Variants in AGBL4 observed in about 807,000 individuals in gnomAD.
The protein encoded by AGBL4 is cytosolic carboxypeptidase 6.
A neutral mutation model predicts 66.4 loss-of-function variants in AGBL4; 58 were observed. That is an observed-to-expected ratio of 0.87 (90% CI 0.71 to 1.09). The LOEUF (loss-of-function observed/expected upper bound fraction) is 1.09. Among genes scored for constraint, AGBL4 ranks in the 50% least tolerant of loss-of-function variants. AGBL4 has a pLI of 0.00. For missense variants in AGBL4, 579 were observed against 631.0 expected (o/e 0.92, Z 0.88); for synonymous variants, 234 against 222.9 (o/e 1.05, Z -0.44).
chr1:49,682,172 C>T (rs1646707321), intron 3 of AGBL4, among the ~76,000 whole-genome samples: 1 of 152,030 alleles, frequency 6.6e-6, no homozygotes, highest in Non-Finnish European at 1.5e-5. Flanking sequence ...CTTTGGGAGG[C>T]CGAGGAGGGA....
At chr1:50,023,665 C>T (rs192063831) in intron 1 of AGBL4, 98 bp downstream of exon 1, 283 of 1,394,794 alleles carry the variant, frequency 2.0e-4, no homozygotes, top group Non-Finnish European at 2.6e-4. Flanking sequence ...TACAGGACCG[C>T]CTCCTCAGGA....
At chr1:48,924,391 TC>T (rs1189505641) in intron 5 of AGBL4, among the ~76,000 whole-genome samples, 1 of 152,048 alleles carries the variant, frequency 6.6e-6, no homozygotes, top group African/African-American at 2.4e-5. Flanking sequence ...GCCTGGAACT[TC>T]CCCCAGCTCC....
At chr1:48,847,322 T>G (rs1214311410) in intron 6 of AGBL4, among the ~76,000 whole-genome samples, 1 of 149,102 alleles carries the variant, frequency 6.7e-6, no homozygotes, top group African/African-American at 2.5e-5. Flanking sequence ...AAAAACTTAC[T>G]CTACCAGAAA....
At chr1:48,843,005 C>G (rs952346985) in intron 6 of AGBL4, among the ~76,000 whole-genome samples, 9 of 151,762 alleles carry the variant, frequency 5.9e-5, no homozygotes, top group African/African-American at 2.2e-4. Context: ...ATGGTGGTTA[C>G]CAGGAGCTGG....
At chr1:49,283,255 G>A (rs968896145) in intron 3 of AGBL4, among the ~76,000 whole-genome samples, 2 of 152,108 alleles carry the variant, frequency 1.3e-5, no homozygotes, top group African/African-American at 4.8e-5. Context: ...CCCCAAGCAG[G>A]GGCACACTGA....
Position 49,484,053 on chromosome 1 carries a change from C to T in AGBL4, c.282+213260G>A, listed in dbSNP as rs187379827. On this transcript the variant is annotated intron_variant, in intron 3 of 13. Coordinates refer to ENST00000371839, the MANE Select transcript of AGBL4 (RefSeq NM_032785.4). Reference sequence around the variant, plus strand: ...GCAAATCAAAACTGCAATGAGATATCATATTATTACATTTAAAATGGCTTT... The same window carrying T: ...GCAAATCAAAACTGCAATGAGATATTATATTATTACATTTAAAATGGCTTT... Among the ~76,000 whole-genome samples, 24 of 152,088 alleles carry T rather than the reference C, an allele frequency of 1.6e-4. 1 individual carries two copies. Among genetic ancestry groups the T allele is most frequent in the Admixed American group, 7.2e-4 (11 of 15,268 alleles).
At chr1:49,681,569 C>T (rs1646693786) in intron 3 of AGBL4, among the ~76,000 whole-genome samples, 1 of 152,112 alleles carries the variant, frequency 6.6e-6, no homozygotes, top group Non-Finnish European at 1.5e-5. Flanking sequence ...GATGGTCTGC[C>T]TTCTTTACTC....
At chr1:49,518,310 A>G (rs909564373) in intron 3 of AGBL4, among the ~76,000 whole-genome samples, 1 of 152,050 alleles carries the variant, frequency 6.6e-6, no homozygotes, top group African/African-American at 2.4e-5. Flanking sequence ...CAATCTTCCC[A>G]TGGGCGGTTT....
intron 4 of AGBL4, among the ~76,000 whole-genome samples, chr1:49,048,566 G>T (rs977774893): frequency 5.9e-5 from 9 of 152,098 alleles, no homozygotes; most frequent in African/African-American, 2.2e-4. Flanking sequence ...GGGCTCAGCA[G>T]GCAAAATTCA....
intron 6 of AGBL4, among the ~76,000 whole-genome samples, chr1:48,856,577 C>G (rs965820755): frequency 6.6e-6 from 1 of 152,124 alleles, no homozygotes; most frequent in African/African-American, 2.4e-5. Flanking sequence ...AGTTTGGCCT[C>G]TCTTGTTCCC....
intron 1 of AGBL4, among the ~76,000 whole-genome samples, chr1:49,911,763 G>C (rs544124980): frequency 6.6e-6 from 1 of 152,286 alleles, no homozygotes; most frequent in Admixed American, 6.5e-5. Flanking sequence ...ATTTGGCCTT[G>C]AGCCTGCAAC....
intron 2 of AGBL4, among the ~76,000 whole-genome samples, chr1:49,766,092 C>A (rs1652712409): frequency 6.6e-6 from 1 of 152,164 alleles, no homozygotes; most frequent in South Asian, 2.1e-4. Context: ...AGTACATCTG[C>A]CAAATGCTTT....
chr1:48,548,413 G>C (rs574596898), intron 11 of AGBL4, among the ~76,000 whole-genome samples: 6 of 152,266 alleles, frequency 3.9e-5, no homozygotes, highest in Admixed American at 1.3e-4. Flanking sequence ...GCTAAATCCA[G>C]CCCAATCCCA....
chr1:48,720,962 GT>G (rs11345912), intron 6 of AGBL4, among the ~76,000 whole-genome samples: 71,012 of 145,904 alleles, frequency 0.49, 20,432 homozygotes, highest in Non-Finnish European at 0.68. Flanking sequence ...AGAGAGGATA[GT>G]TTTTTTTTTT....
intron 4 of AGBL4, among the ~76,000 whole-genome samples, chr1:49,155,950 T>C (rs1477799029): frequency 2.0e-5 from 3 of 152,146 alleles, no homozygotes; most frequent in Admixed American, 2.0e-4. Context: ...CTATTATCTA[T>C]GATGACAGAG....
At chr1:49,856,197 T>C (rs1408580550) in intron 1 of AGBL4, among the ~76,000 whole-genome samples, 1 of 151,948 alleles carries the variant, frequency 6.6e-6, no homozygotes, top group South Asian at 2.1e-4. Context: ...CAGAAATAAA[T>C]AGAAAACCTG....
At chr1:49,710,169 A>T (rs1647537784) in intron 2 of AGBL4, among the ~76,000 whole-genome samples, 1 of 152,224 alleles carries the variant, frequency 6.6e-6, no homozygotes, top group Non-Finnish European at 1.5e-5. Flanking sequence ...TGTTCACAAT[A>T]GCAAAGACTT....
intron 3 of AGBL4, among the ~76,000 whole-genome samples, chr1:49,278,287 G>C (rs930797541): frequency 5.9e-5 from 9 of 151,978 alleles, no homozygotes; most frequent in African/African-American, 1.9e-4. Context: ...AGGTTAAAAG[G>C]AAATACTAAA....
intron 2 of AGBL4, among the ~76,000 whole-genome samples, chr1:49,796,616 T>A (rs1313208776): frequency 1.3e-5 from 2 of 151,296 alleles, no homozygotes; most frequent in Non-Finnish European, 3.0e-5. Context: ...ACAAAAAAAA[T>A]TACACTCTAT....
Sources: allele counts gnomAD v4.1 joint callset (sites outside exome capture counted in the v4.1 genomes callset), GRCh38; gene constraint gnomAD v4.1.1; transcripts MANE v1.5; gene names NCBI Gene and HGNC (gene_info 2026-07-23, HGNC 2026-07-21).